The following SYNJ2 variants were observed in gnomAD, a reference collection of about 807,000 sequenced individuals.
SYNJ2 encodes the protein synaptojanin 2.
Under a neutral mutation model 141.3 loss-of-function variants are expected in SYNJ2, and 116 were observed. That is an observed-to-expected ratio of 0.82 (90% CI 0.71 to 0.96). The LOEUF (loss-of-function observed/expected upper bound fraction) is 0.96, where lower values mean the gene tolerates loss of function less well. Among genes scored for constraint, SYNJ2 ranks in the 40% least tolerant of loss-of-function variants. The pLI is 0.00. For missense variants in SYNJ2, 1,873 were observed against 1,934.8 expected (o/e 0.97, Z 0.60); for synonymous variants, 745 against 777.7 (o/e 0.96, Z 0.70).
At chr6:158,091,129 A>G (rs181181420) in intron 25 of SYNJ2, among the ~76,000 whole-genome samples, 1 of 151,462 alleles carries the variant, frequency 6.6e-6, no homozygotes, top group East Asian at 2.0e-4. Context: ...CATCCTGGCT[A>G]ACACGGTGAA....
chr6:158,047,061 C>T (rs771895137), intron 5 of SYNJ2, among the ~76,000 whole-genome samples: 1 of 152,152 alleles, frequency 6.6e-6, no homozygotes, highest in African/African-American at 2.4e-5. Context: ...TTTGTGGAGT[C>T]GTGGCGCTGG....
chr6:157,983,506 TAGATTA>T (rs1777086803), intron 1 of SYNJ2, among the ~76,000 whole-genome samples: 1 of 152,218 alleles, frequency 6.6e-6, no homozygotes, highest in African/African-American at 2.4e-5. Flanking sequence ...TTTCATCAAA[TAGATTA>T]AGATGTCCTT....
intron 7 of SYNJ2, among the ~76,000 whole-genome samples, chr6:158,060,188 C>T (rs1435118617): frequency 6.6e-6 from 1 of 152,174 alleles, no homozygotes; most frequent in African/African-American, 2.4e-5. Context: ...GGACCTGCTG[C>T]TGCTGGGCTC....
Position 157,981,917 on chromosome 6 carries a change from G to C in SYNJ2, c.-45G>C. 8.2e-7 allele frequency: 1 copy of C among 1,221,340 alleles called. No individual in the cohort carries two copies. Among genetic ancestry groups the C allele is most frequent in the Non-Finnish European group, 1.0e-6 (1 of 980,462 alleles). The allele number at this position is 1,221,340 out of a possible 1,614,324, so 75.7% of individuals were successfully genotyped here. A position where few individuals can be genotyped will look rare whatever the true frequency, so the allele number is the denominator to read the frequency against. ...GAGCTGTCGCGGGCAGCGCGCCCTCGGGAGGACGTGGCCCCGGCCCCCGCC... is the reference window on the plus strand; with the variant it reads ...GAGCTGTCGCGGGCAGCGCGCCCTCCGGAGGACGTGGCCCCGGCCCCCGCC... On this transcript the variant is annotated 5_prime_UTR_variant, in exon 1 of 27. Transcript: ENST00000355585. The surrounding 1 kb of genome is among the most constrained non-coding windows in gnomAD (Gnocchi z 6.4).
chr6:158,085,376 G>A (rs978278476), intron 22 of SYNJ2, among the ~76,000 whole-genome samples: 4 of 152,096 alleles, frequency 2.6e-5, no homozygotes, highest in South Asian at 2.1e-4. Context: ...CTGGCAGGTC[G>A]GGTAGTTCAT....
chr6:158,020,149 T>C (rs1778681371), intron 2 of SYNJ2, among the ~76,000 whole-genome samples: 1 of 142,814 alleles, frequency 7.0e-6, no homozygotes, highest in African/African-American at 2.8e-5. Context: ...ACTCCAACTG[T>C]GACTCCATCT....
intron 2 of SYNJ2, among the ~76,000 whole-genome samples, chr6:158,024,842 A>G (rs563001066): frequency 3.0e-4 from 46 of 152,332 alleles, no homozygotes; most frequent in African/African-American, 9.4e-4. Context: ...ATAGATGGCA[A>G]TGAGTATCAC....
chr6:157,981,794 A>C, upstream of SYNJ2: 2 of 501,518 alleles, frequency 4.0e-6, no homozygotes, highest in Non-Finnish European at 6.0e-6. This position sits in a 1 kb window ranked among gnomAD's most constrained non-coding sequence, Gnocchi z 6.4. Context: ...GGGAGGCGCG[A>C]GTGGGGAGGA....
At position 158,095,850 on chromosome 6, in the gene SYNJ2, C is replaced by T. The variant is rs137935231; in HGVS notation, c.3977C>T (p.Pro1326Leu). The T allele has an allele frequency of 2.4e-3, 3,876 of 1,614,004 alleles. 4 individuals carry two copies. The highest frequency in any genetic ancestry group is 3.1e-3 in the Non-Finnish European group (3,665 of 1,179,998). The change falls in exon 27 of 27, where the codon CCG (proline) becomes CTG (leucine). Residue 1326 changes from proline to leucine, a missense_variant. Coordinates refer to ENST00000355585, the MANE Select transcript of SYNJ2 (RefSeq NM_003898.4). The stretch of plus-strand genomic sequence containing the variant: ...TCTGTGCCACCACCTCTGGAGGCGC[C>T]GCCTCTTGTGCCCAAGGTACCCCCG... ...GASVPPPLEA[P>L]PLVPKVPPRR... is the part of the protein sequence containing the mutation.
chr6:158,065,486 G>A (rs924409676), intron 11 of SYNJ2, among the ~76,000 whole-genome samples: 1 of 152,148 alleles, frequency 6.6e-6, no homozygotes, highest in Admixed American at 6.5e-5. Context: ...GCAAGACATC[G>A]TGATTCCATC....
chr6:158,066,726 A>G (rs1781592005), intron 12 of SYNJ2, 91 bp downstream of exon 12: 1 of 1,462,528 alleles, frequency 6.8e-7, no homozygotes, highest in Non-Finnish European at 9.3e-7. Context: ...GTCTTGTGGA[A>G]TTTCATCTTT....
intron 2 of SYNJ2, 23 bp downstream of exon 2, chr6:158,017,313 AGCAGGCGCCAGGCTCCCCGGTGG>A (rs1034368719): frequency 6.3e-7 from 1 of 1,597,618 alleles, no homozygotes; most frequent in African/African-American, 1.3e-5. Context: ...TCGCTGGAGG[AGCAGGCGCCAGGCTCCCCGGTGG>A]GCAGGAGCCT....
chr6:158,056,263 T>G (rs1334462001), intron 6 of SYNJ2, among the ~76,000 whole-genome samples: 1 of 152,182 alleles, frequency 6.6e-6, no homozygotes, highest in Non-Finnish European at 1.5e-5. Context: ...TGGTAATGCA[T>G]GGTGTGTGAG....
intron 1 of SYNJ2, among the ~76,000 whole-genome samples, chr6:157,989,437 T>C (rs113237876): frequency 9.5e-6 from 1 of 105,476 alleles, no homozygotes; most frequent in Admixed American, 8.5e-5. Flanking sequence ...AATATATATA[T>C]ATATATATAT....
At chr6:158,068,867 T>G in intron 13 of SYNJ2, 139 bp downstream of exon 13, 11 of 832,312 alleles carry the variant, frequency 1.3e-5, no homozygotes, top group Non-Finnish European at 2.1e-5. Context: ...TGGGGATCTC[T>G]CACCTGGCTC....
intron 12 of SYNJ2, chr6:158,067,751 C>T (rs891794035): frequency 6.1e-6 from 6 of 985,196 alleles, no homozygotes; most frequent in Non-Finnish European, 7.2e-6. Context: ...CTCCTTTCTG[C>T]CTCCAAGGGC....
intron 1 of SYNJ2, among the ~76,000 whole-genome samples, chr6:158,000,759 C>T (rs753480167): frequency 9.2e-5 from 14 of 152,136 alleles, no homozygotes; most frequent in Non-Finnish European, 1.5e-4. Flanking sequence ...GAACACTTCC[C>T]TTACAGCACG....
intron 22 of SYNJ2, among the ~76,000 whole-genome samples, chr6:158,085,858 G>A (rs1782997683): frequency 6.6e-6 from 1 of 152,128 alleles, no homozygotes; most frequent in Non-Finnish European, 1.5e-5. Context: ...CGGTGGTTCT[G>A]CACGTTGCTC....
intron 18 of SYNJ2, 57 bp downstream of exon 18, chr6:158,078,338 T>G (rs1782455636): frequency 8.3e-7 from 1 of 1,205,222 alleles, no homozygotes; most frequent in African/African-American, 1.5e-5. Context: ...AGCGTCTCCC[T>G]CTCCGCAGGA....
Sources: allele counts gnomAD v4.1 joint callset (sites outside exome capture counted in the v4.1 genomes callset), GRCh38; gene constraint gnomAD v4.1.1; non-coding constraint Gnocchi (gnomAD v3.1); transcripts MANE v1.5; gene names NCBI Gene and HGNC (gene_info 2026-07-23, HGNC 2026-07-21).